Variants in LRRC4C observed in about 807,000 individuals in gnomAD.
LRRC4C encodes the protein leucine-rich repeat-containing protein 4C.
Under a neutral mutation model 33.6 loss-of-function variants are expected in LRRC4C, and 5 were observed. The observed-to-expected ratio is 0.15, with a 90% CI of 0.08 to 0.31. LRRC4C has a LOEUF of 0.31. Among genes scored for constraint, LRRC4C ranks in the 10% least tolerant of loss-of-function variants. The pLI is 1.00. For missense variants in LRRC4C, 560 were observed against 796.7 expected (o/e 0.70, Z 3.58); for synonymous variants, 329 against 302.0 (o/e 1.09, Z -0.93).
chr11:41,121,523 TTACTA>T (rs1942429975), intron 1 of LRRC4C, among the ~76,000 whole-genome samples: 2 of 152,204 alleles, frequency 1.3e-5, no homozygotes, highest in Admixed American at 1.3e-4. Flanking sequence ...GCAGCAGTAT[TTACTA>T]TACTATTCAA....
At chr11:41,307,398 A>G (rs1261222060) in intron 1 of LRRC4C, among the ~76,000 whole-genome samples, 1 of 152,154 alleles carries the variant, frequency 6.6e-6, no homozygotes, top group African/African-American at 2.4e-5. Flanking sequence ...GTCAAGCCCC[A>G]GGGACCCTCC....
At chr11:40,839,991 A>G (rs1217660850) in intron 2 of LRRC4C, among the ~76,000 whole-genome samples, 1 of 152,170 alleles carries the variant, frequency 6.6e-6, no homozygotes. Context: ...TTTTTTCCCA[A>G]TCTGATAGTC....
chr11:40,154,658 A>G (rs1314534062), intron 5 of LRRC4C, among the ~76,000 whole-genome samples: 2 of 152,140 alleles, frequency 1.3e-5, no homozygotes, highest in Non-Finnish European at 1.5e-5. Context: ...AAATATCACA[A>G]TCCTAAACAT....
At chr11:40,300,939 C>A (rs1274098897) in intron 4 of LRRC4C, among the ~76,000 whole-genome samples, 1 of 152,168 alleles carries the variant, frequency 6.6e-6, no homozygotes, top group Non-Finnish European at 1.5e-5. Flanking sequence ...AGAGCTAGGA[C>A]AGGTGTGAGC....
intron 3 of LRRC4C, among the ~76,000 whole-genome samples, chr11:40,423,004 T>A (rs148772998): frequency 6.6e-6 from 1 of 152,292 alleles, no homozygotes; most frequent in African/African-American, 2.4e-5. Context: ...CACTTTGTAA[T>A]TAATACGTTT....
At chr11:40,342,942 C>A (rs1302371082) in intron 3 of LRRC4C, among the ~76,000 whole-genome samples, 1 of 151,954 alleles carries the variant, frequency 6.6e-6, no homozygotes, top group African/African-American at 2.4e-5. Flanking sequence ...TTCTTTATTG[C>A]CTATCTTTTG....
intron 2 of LRRC4C, among the ~76,000 whole-genome samples, chr11:40,879,404 G>A (rs1591975578): frequency 6.6e-6 from 1 of 152,272 alleles, no homozygotes; most frequent in East Asian, 1.9e-4. Flanking sequence ...GAAAGATGAT[G>A]GCTTACTTGT....
At chr11:40,142,696 T>C (rs1046782374) in intron 5 of LRRC4C, among the ~76,000 whole-genome samples, 5 of 152,070 alleles carry the variant, frequency 3.3e-5, no homozygotes, top group African/African-American at 1.2e-4. Flanking sequence ...CAATGAACCT[T>C]GGAGTGCCCC....
intron 3 of LRRC4C, among the ~76,000 whole-genome samples, chr11:40,573,409 C>T (rs1565517710): frequency 6.6e-6 from 1 of 152,126 alleles, no homozygotes; most frequent in Non-Finnish European, 1.5e-5. Context: ...TTCTCTACAC[C>T]TTCCAAGAAC....
intron 1 of LRRC4C, among the ~76,000 whole-genome samples, chr11:41,332,923 G>A (rs1047804573): frequency 6.6e-6 from 1 of 152,004 alleles, no homozygotes; most frequent in Non-Finnish European, 1.5e-5. Flanking sequence ...CTTCCTATAA[G>A]CCTAGGTCTT....
At chr11:40,458,340 C>G (rs976220941) in intron 3 of LRRC4C, among the ~76,000 whole-genome samples, 2 of 152,064 alleles carry the variant, frequency 1.3e-5, no homozygotes, top group Admixed American at 1.3e-4. Context: ...CTATATAAAC[C>G]CTTGTAATCC....
At chr11:40,501,208 C>G (rs1428190082) in intron 3 of LRRC4C, among the ~76,000 whole-genome samples, 1 of 152,132 alleles carries the variant, frequency 6.6e-6, no homozygotes, top group Non-Finnish European at 1.5e-5. Flanking sequence ...GGATAAAGCC[C>G]CCCACCTGGC....
intron 1 of LRRC4C, among the ~76,000 whole-genome samples, chr11:41,357,365 T>A (rs1278231155): frequency 6.6e-6 from 1 of 152,150 alleles, no homozygotes; most frequent in Non-Finnish European, 1.5e-5. Context: ...TTCATGACAA[T>A]GTGAAACAGG....
At chr11:41,281,293 G>A (rs911561039) in intron 1 of LRRC4C, among the ~76,000 whole-genome samples, 2 of 152,020 alleles carry the variant, frequency 1.3e-5, no homozygotes, top group Non-Finnish European at 2.9e-5. Flanking sequence ...GTAAATTTCT[G>A]CCCGCATCAC....
intron 1 of LRRC4C, among the ~76,000 whole-genome samples, chr11:41,391,160 T>C (rs1176582581): frequency 6.6e-6 from 1 of 151,884 alleles, no homozygotes; most frequent in African/African-American, 2.4e-5. Flanking sequence ...GGTTATATTA[T>C]AAATTTGGTT....
At chr11:41,137,171 C>A (rs976326224) in intron 1 of LRRC4C, among the ~76,000 whole-genome samples, 7 of 151,892 alleles carry the variant, frequency 4.6e-5, no homozygotes, top group African/African-American at 7.3e-5. Context: ...TTGCTTGAAC[C>A]CAGGAGGTCG....
chr11:40,938,188 C>T (rs939416360), intron 1 of LRRC4C, among the ~76,000 whole-genome samples: 1 of 152,148 alleles, frequency 6.6e-6, no homozygotes, highest in South Asian at 2.1e-4. Flanking sequence ...GCGCAGGTCT[C>T]CTCCAGTTCT....
chr11:41,242,655 T>C (rs1948299525), intron 1 of LRRC4C, among the ~76,000 whole-genome samples: 1 of 152,180 alleles, frequency 6.6e-6, no homozygotes, highest in Admixed American at 6.5e-5. Flanking sequence ...TGTCTCTGTA[T>C]CTATCTGTCT....
At chr11:41,209,347 C>T (rs988575398) in intron 1 of LRRC4C, among the ~76,000 whole-genome samples, 1 of 151,330 alleles carries the variant, frequency 6.6e-6, no homozygotes, top group South Asian at 2.1e-4. Context: ...CTGATTTCTC[C>T]CTTTGGGAAT....
Sources: allele counts gnomAD v4.1 joint callset (sites outside exome capture counted in the v4.1 genomes callset), GRCh38; gene constraint gnomAD v4.1.1; transcripts MANE v1.5; gene names NCBI Gene and HGNC (gene_info 2026-07-23, HGNC 2026-07-21).